The following NLRP2 variants were observed in gnomAD, a reference collection of about 807,000 sequenced individuals.
The protein encoded by NLRP2 is NLR family pyrin domain containing 2.
Under a neutral mutation model 97.2 loss-of-function variants are expected in NLRP2, and 107 were observed. The ratio of observed to expected loss-of-function variants is 1.10; its 90% CI spans 0.94 to 1.29. The LOEUF (loss-of-function observed/expected upper bound fraction) is 1.29, where lower values mean the gene tolerates loss of function less well. Ranked by LOEUF, NLRP2 falls within the 50% of genes most tolerant of loss-of-function variation. NLRP2 has a pLI of 0.00. For missense variants in NLRP2, 1,495 were observed against 1,330.3 expected (o/e 1.12, Z -1.93); for synonymous variants, 663 against 551.5 (o/e 1.20, Z -2.83).
At chr19:54,972,284 T>G (rs1188947927) in intron 2 of NLRP2, among the ~76,000 whole-genome samples, 3 of 151,974 alleles carry the variant, frequency 2.0e-5, no homozygotes, top group African/African-American at 7.3e-5. Context: ...TGGGTTCAAG[T>G]GTTTCTCCTG....
intron 8 of NLRP2, chr19:54,989,790 C>G: frequency 1.7e-6 from 1 of 586,672 alleles, no homozygotes; most frequent in South Asian, 2.0e-5. Context: ...TTGAGACCAG[C>G]CTGACCAACA....
At chr19:54,971,046 C>T (rs1264266701) in intron 2 of NLRP2, among the ~76,000 whole-genome samples, 2 of 135,050 alleles carry the variant, frequency 1.5e-5, no homozygotes, top group Non-Finnish European at 3.1e-5. Context: ...TGTTCAATTC[C>T]CACCTATGAG....
At chr19:54,982,025 GCCTCGA>G in intron 5 of NLRP2, 131 bp from the exon 6 acceptor site, 1 of 1,055,752 alleles carries the variant, frequency 9.5e-7, no homozygotes, top group Non-Finnish European at 1.4e-6. Flanking sequence ...TGATCTGCCT[GCCTCGA>G]CCTCCCAAAG....
At position 54,982,531 on chromosome 19, in the gene NLRP2, C is replaced by T. The variant is rs1340084364; in HGVS notation, c.833C>T (p.Ala278Val). ...ELQDDIPHIL[A>V]QARKILFVID... ...CAGGATGACATTCCACACATCCTAG[C>T]CCAAGCACGGAAAATCTTGTTCGTG... The change falls in exon 6 of 13, where the codon GCC becomes GTC. Residue 278 changes from alanine to valine, a missense_variant. By Grantham distance (64) the Ala-to-Val change is moderately conservative (BLOSUM62 0). Transcript: ENST00000448584. 12 of 1,614,116 alleles carry T rather than the reference C, an allele frequency of 7.4e-6. No homozygotes were observed. Among genetic ancestry groups the T allele is most frequent in the Non-Finnish European group, 1.0e-5 (12 of 1,180,054 alleles).
chr19:54,995,028 A>G (rs531806894), intron 11 of NLRP2, among the ~76,000 whole-genome samples: 51 of 148,438 alleles, frequency 3.4e-4, no homozygotes, highest in Non-Finnish European at 6.9e-4. Context: ...AGAGGTGGGA[A>G]TTGGGCCAGG....
Position 54,977,816 on chromosome 19 carries a change from A to G in NLRP2, c.390A>G (p.Glu130=). The G allele has an allele frequency of 6.2e-7, 1 of 1,613,686 alleles. No homozygotes were observed. Among genetic ancestry groups the G allele is most frequent in the Non-Finnish European group, 8.5e-7 (1 of 1,180,000 alleles). ...AAATGCTGGAGCGCTTCAAAACAGAAGCACAAGGTGGGTGTCAGGACCTCC... is the reference window on the plus strand; with the variant it reads ...AAATGCTGGAGCGCTTCAAAACAGAGGCACAAGGTGGGTGTCAGGACCTCC... ...VDEMLERFKT[E]AQAFTETKGN... Residue 130 remains glutamate, a synonymous_variant, in exon 4 of 13, where the codon GAA becomes GAG. Transcript: ENST00000448584.
intron 10 of NLRP2, 149 bp from the exon 11 acceptor site, chr19:54,994,117 ATTC>A (rs2072660489): frequency 4.8e-6 from 4 of 842,004 alleles, no homozygotes; most frequent in South Asian, 4.3e-5. Flanking sequence ...AGGGGAGGCC[ATTC>A]TTCTGTCCAC....
Position 55,000,978 on chromosome 19 carries a change from C to T in NLRP2, c.*80C>T, listed in dbSNP as rs1427506627. 2.4e-5 allele frequency: 31 copies of T among 1,315,660 alleles called. No homozygotes were observed. Among genetic ancestry groups the T allele is most frequent in the African/African-American group, 1.2e-4 (8 of 69,124 alleles). The allele number at this position is 1,315,660 out of a possible 1,614,324, so 81.5% of individuals were successfully genotyped here. On this transcript the variant is annotated 3_prime_UTR_variant, in exon 13 of 13. Transcript: ENST00000448584. ...AACTGCCTGTGACTCCTCTCCTCCC[C>T]GGCCCCTACCCCTCAGGGATAATGA... is the stretch of plus-strand genomic sequence containing the variant.
chr19:54,976,642 T>TG (rs1055176880), intron 3 of NLRP2, among the ~76,000 whole-genome samples: 8 of 151,702 alleles, frequency 5.3e-5, no homozygotes, highest in African/African-American at 1.7e-4. Context: ...CCACCTCACC[T>TG]GGTGGTGAAG....
intron 2 of NLRP2, chr19:54,974,241 CT>C: frequency 6.8e-6 from 4 of 584,508 alleles, no homozygotes; most frequent in Non-Finnish European, 1.2e-5. Flanking sequence ...ATAGTCCCAG[CT>C]ACTCAGGAAG....
intron 4 of NLRP2, 117 bp downstream of exon 4, chr19:54,977,940 A>T: frequency 1.1e-6 from 1 of 944,052 alleles, no homozygotes; most frequent in Non-Finnish European, 1.7e-6. Flanking sequence ...CACTATTCTT[A>T]ATGTGCCCAC....
chr19:54,994,847 G>A (rs944809719), intron 11 of NLRP2, among the ~76,000 whole-genome samples: 30 of 151,600 alleles, frequency 2.0e-4, no homozygotes, highest in Non-Finnish European at 7.4e-5. Flanking sequence ...GACCTCAGGT[G>A]ATCCGCCCAT....
At chr19:54,976,738 TC>T (rs1325625309) in intron 3 of NLRP2, 1 of 423,822 alleles carries the variant, frequency 2.4e-6, no homozygotes, top group Non-Finnish European at 4.6e-6. Flanking sequence ...TTTCAGGAGT[TC>T]CATGGACTCA....
chr19:54,998,041 T>TTC (rs1009177714), intron 12 of NLRP2, among the ~76,000 whole-genome samples: 1 of 150,284 alleles, frequency 6.7e-6, no homozygotes, highest in African/African-American at 2.4e-5. Flanking sequence ...TTTTTTTTTT[T>TTC]TCTGAGATGG....
rs199475707 is a variant in NLRP2 at position 54,970,388 on chromosome 19, C to G, written c.280+93C>G. 2.0e-6 allele frequency: 3 copies of G among 1,470,912 alleles called. No homozygotes were observed. In the Admixed American group the frequency reaches 5.2e-5, roughly 26 times the overall value. The allele number at this position is 1,470,912 out of a possible 1,614,324, so 91.1% of individuals were successfully genotyped here. A position where few individuals can be genotyped will look rare whatever the true frequency, so the allele number is the denominator to read the frequency against. On this transcript the variant is annotated intron_variant, in intron 2 of 12. Transcript: ENST00000448584. ...TCAGAAGGCCAGGCGCGCTGGCTCA[C>G]GCCTGTCGTCCCAGCCCTTTGGGAG...
chr19:54,970,100 C>A lies in NLRP2; in HGVS notation c.85C>A (p.Leu29Met), dbSNP rs757511521. 1 of 1,614,112 alleles carries A rather than the reference C, an allele frequency of 6.2e-7. No homozygotes were observed. Among genetic ancestry groups the A allele is most frequent in the Admixed American group, 1.7e-5 (1 of 59,986 alleles). ...GGATGAGTTGAGCAAGTTCAAGTATCTGATCACGACCTTCTCCCTGGCACA... is the reference window on the plus strand; with the variant it reads ...GGATGAGTTGAGCAAGTTCAAGTATATGATCACGACCTTCTCCCTGGCACA... The part of the protein sequence containing the change: ...SQDELSKFKY[L>M]ITTFSLAHEL... Residue 29 changes from leucine to methionine, a missense_variant, in exon 2 of 13, where the codon CTG becomes ATG. Physicochemically the swap from Leu to Met is conservative, Grantham distance 15. Transcript: ENST00000448584.
chr19:54,998,611 C>CTTTTTTTTTTTTTTTTTGGTTTTTTTTT, intron 12 of NLRP2, among the ~76,000 whole-genome samples: 1 of 42,218 alleles, frequency 2.4e-5, no homozygotes, highest in South Asian at 8.5e-4. Context: ...CATCTTTTTT[C>CTTTTTTTTTTTTTTTTTGGTTTTTTTTT]TTTTTTTTTT....
At position 54,975,106 on chromosome 19, in the gene NLRP2, G is replaced by GTTTT. The variant is rs558518586; in HGVS notation, c.325+596_325+599dup. Among the ~76,000 whole-genome samples the GTTTT allele has an allele frequency of 3.9e-4, 23 of 58,704 alleles. 6 individuals carry two copies. The highest frequency in any genetic ancestry group is 2.5e-3 in the East Asian group (5 of 2,008). 38.5% of individuals were successfully genotyped at this position (58,704 alleles called of 152,430 possible). A position where few individuals can be genotyped will look rare whatever the true frequency, so the allele number is the denominator to read the frequency against. Reference sequence around the variant, plus strand: ...ATGAGCCACCACCACACCCGGTTTTGTTTTTTTTTTTTTTTTTTTTTTTTT... The same window carrying GTTTT: ...ATGAGCCACCACCACACCCGGTTTTGTTTTTTTTTTTTTTTTTTTTTTTTTTTTT... On this transcript the variant is annotated intron_variant, in intron 3 of 12. Coordinates refer to ENST00000448584, the MANE Select transcript of NLRP2 (RefSeq NM_017852.5).
In NLRP2 at chr19:54,983,481, G is replaced by A. The variant is rs1433757659; in HGVS notation, c.1783G>A (p.Gly595Arg). 2 of 1,614,194 alleles carry A rather than the reference G, an allele frequency of 1.2e-6. No individual in the cohort carries two copies. The highest frequency in any genetic ancestry group is 8.5e-7 in the Non-Finnish European group (1 of 1,180,046). The stretch of plus-strand genomic sequence containing the variant: ...GCGATGCGACATAAGTTGTAAGGGT[G>A]GACATTCAACGGTGACAGACCTGCA... Reference protein sequence around the residue: ...LLRCDISCKGGHSTVTDLQEL... With the variant: ...LLRCDISCKGRHSTVTDLQEL... Residue 595 changes from glycine (G) to arginine (R), a missense_variant, in exon 6 of 13, where the codon GGA becomes AGA. Transcript: ENST00000448584.
Sources: gnomAD v4.1 joint callset for allele counts (sites outside exome capture counted in the v4.1 genomes callset) on GRCh38, gnomAD v4.1.1 for gene constraint, MANE v1.5 for transcripts, NCBI Gene and HGNC (gene_info 2026-07-23, HGNC 2026-07-21) for gene names.